INSR: variants seen among roughly 807,000 people sequenced by gnomAD.
The protein encoded by INSR is insulin receptor.
INSR carries 67 observed loss-of-function variants against 142.6 expected under a neutral mutation model. The observed-to-expected ratio is 0.47, with a 90% CI of 0.39 to 0.58. The LOEUF (loss-of-function observed/expected upper bound fraction) is 0.58, where lower values mean the gene tolerates loss of function less well. Among genes scored for constraint, INSR ranks in the 20% least tolerant of loss-of-function variants. The probability of loss-of-function intolerance (pLI) is 0.00; values close to 1 mark genes in which losing one functional copy is unlikely to be tolerated. For synonymous variants in INSR, 756 were observed against 743.1 expected (o/e 1.02, Z -0.28); for missense variants, 1,248 against 1,833.2 (o/e 0.68, Z 5.83).
intron 2 of INSR, among the ~76,000 whole-genome samples, chr19:7,235,661 G>A (rs1232809635): frequency 2.0e-5 from 3 of 152,036 alleles, no homozygotes; most frequent in East Asian, 3.9e-4. Flanking sequence ...ACCAGCCTGG[G>A]CAAGGTAGTG....
Position 7,184,592 on chromosome 19 carries a change from A to C in INSR, c.698T>G (p.Leu233Arg), listed in dbSNP as rs387906539. ...CKSHGCTAEGLCCHSECLGNC... is the reference protein window; with the variant it reads ...CKSHGCTAEGRCCHSECLGNC... Reference sequence around the variant, plus strand: ...GCCCAGGCACTCGCTGTGGCAACAGAGGCCTTCGGCGGTGCAGCCGTGTGA... The same window carrying C: ...GCCCAGGCACTCGCTGTGGCAACAGCGGCCTTCGGCGGTGCAGCCGTGTGA... The change falls in exon 3 of 22, where the codon CTC becomes CGC. Residue 233 changes from leucine to arginine, a missense_variant. Leu to Arg is a moderately radical substitution (Grantham distance 102). Transcript: ENST00000302850. 1 of 1,613,362 alleles carries C rather than the reference A, an allele frequency of 6.2e-7. No individual in the cohort carries two copies. Among genetic ancestry groups the C allele is most frequent in the Non-Finnish European group, 8.5e-7 (1 of 1,180,006 alleles).
At chr19:7,242,412 C>T (rs1600082129) in intron 2 of INSR, among the ~76,000 whole-genome samples, 1 of 152,132 alleles carries the variant, frequency 6.6e-6, no homozygotes, top group Non-Finnish European at 1.5e-5. Flanking sequence ...TTATGTGTGA[C>T]TTTTACTATA....
intron 1 of INSR, among the ~76,000 whole-genome samples, chr19:7,280,268 C>CA (rs1028609392): frequency 2.0e-5 from 3 of 149,260 alleles, no homozygotes; most frequent in Admixed American, 1.3e-4. Context: ...CGTCTCATAA[C>CA]AAAAAACAAA....
At chr19:7,126,449 T>C (rs1019241917) in intron 16 of INSR, 135 bp downstream of exon 16, 1 of 797,254 alleles carries the variant, frequency 1.3e-6, no homozygotes, top group Non-Finnish European at 2.1e-6. Context: ...AAGGGCAGTT[T>C]GGCAAGCTCA....
intron 14 of INSR, among the ~76,000 whole-genome samples, chr19:7,130,335 C>T (rs1972744966): frequency 6.6e-6 from 1 of 152,188 alleles, no homozygotes; most frequent in African/African-American, 2.4e-5. Flanking sequence ...TGTTCTCACC[C>T]ATAAGTGAGA....
At chr19:7,123,695 G>A (rs552833335) in intron 17 of INSR, among the ~76,000 whole-genome samples, 13 of 152,114 alleles carry the variant, frequency 8.5e-5, no homozygotes, top group South Asian at 8.3e-4. Context: ...GGCTGAGGCC[G>A]GTGGATCACC....
intron 13 of INSR, among the ~76,000 whole-genome samples, chr19:7,134,227 C>T (rs1972853557): frequency 6.6e-6 from 1 of 152,158 alleles, no homozygotes; most frequent in Non-Finnish European, 1.5e-5. Flanking sequence ...AGAGAACTGT[C>T]TGGCTCTAGA....
At chr19:7,268,461 T>TG (rs1344431869) in intron 1 of INSR, 1 of 985,218 alleles carries the variant, frequency 1.0e-6, no homozygotes, top group African/African-American at 1.7e-5. Flanking sequence ...ATTGCCCAAA[T>TG]GCCCTGAGTT....
chr19:7,215,450 C>T (rs957977656), intron 2 of INSR, among the ~76,000 whole-genome samples: 5 of 151,952 alleles, frequency 3.3e-5, no homozygotes, highest in South Asian at 4.2e-4. Context: ...AGTCCTCTCT[C>T]GGTTCCACTT....
intron 1 of INSR, among the ~76,000 whole-genome samples, chr19:7,292,283 A>G (rs1968512468): frequency 7.0e-6 from 1 of 143,202 alleles, no homozygotes. Flanking sequence ...CAGAGAAGGG[A>G]GTTTCACCAT....
chr19:7,147,302 G>A (rs1025568120), intron 11 of INSR, among the ~76,000 whole-genome samples: 1 of 151,956 alleles, frequency 6.6e-6, no homozygotes, highest in Admixed American at 6.6e-5. Flanking sequence ...AGTCTCCTGA[G>A]TAGCTGGGAC....
chr19:7,266,546 C>T (rs1967738344), intron 2 of INSR, among the ~76,000 whole-genome samples: 1 of 152,082 alleles, frequency 6.6e-6, no homozygotes, highest in Non-Finnish European at 1.5e-5. Flanking sequence ...CCGCCACGCC[C>T]GGCTAATTTT....
chr19:7,163,312 G>A, intron 8 of INSR, 113 bp from the exon 9 acceptor site: 2 of 1,091,794 alleles, frequency 1.8e-6, no homozygotes, highest in Non-Finnish European at 2.8e-6. Flanking sequence ...ACCCATCCCA[G>A]CATTTTGGGC....
At chr19:7,268,273 C>T (rs988910860) in intron 1 of INSR, 1 of 204,082 alleles carries the variant, frequency 4.9e-6, no homozygotes, top group Non-Finnish European at 8.6e-6. Context: ...AGATAATTTA[C>T]GGGGATAAAG....
intron 2 of INSR, among the ~76,000 whole-genome samples, chr19:7,190,373 T>G (rs971256755): frequency 8.7e-5 from 12 of 138,636 alleles, no homozygotes; most frequent in African/African-American, 3.1e-4. Context: ...TTGGTGGTTT[T>G]TTTTTTTTTT....
chr19:7,192,294 AAAGAAAAGAAAAG>A lies in INSR; in HGVS notation c.653-7670_653-7658del, dbSNP rs763974606. The stretch of plus-strand genomic sequence containing the variant: ...AAAGAAAAGAAAAGAAAAGAAAAGA[AAAGAAAAGAAAAG>A]AAAAAAATCACAGGCAGCCCAGGCT... On this transcript the variant is annotated intron_variant, in intron 2 of 21. Coordinates refer to ENST00000302850, the MANE Select transcript of INSR (RefSeq NM_000208.4). This position sits in a 1 kb window ranked among gnomAD's most constrained non-coding sequence, Gnocchi z 4.2. 2.4e-4 allele frequency among the ~76,000 whole-genome samples: 36 copies of A among 148,040 alleles called. No individual in the cohort carries two copies. The highest frequency in any genetic ancestry group is 4.6e-4 in the Non-Finnish European group (31 of 67,088).
chr19:7,203,204 T>C (rs1975016699), intron 2 of INSR, among the ~76,000 whole-genome samples: 1 of 152,148 alleles, frequency 6.6e-6, no homozygotes, highest in Non-Finnish European at 1.5e-5. Context: ...AGTTTCTCCT[T>C]GCATTTCCAA....
intron 11 of INSR, among the ~76,000 whole-genome samples, chr19:7,145,130 T>C (rs1973159664): frequency 6.6e-6 from 1 of 152,156 alleles, no homozygotes; most frequent in Non-Finnish European, 1.5e-5. Context: ...TGTTTTTCCA[T>C]GAATTTCTTG....
intron 9 of INSR, among the ~76,000 whole-genome samples, chr19:7,158,972 G>A (rs540389877): frequency 8.6e-4 from 131 of 152,024 alleles, no homozygotes; most frequent in African/African-American, 2.8e-3. Context: ...GCGTGATCTC[G>A]GCTCACTGCA....
Sources: gnomAD v4.1 joint callset for allele counts (sites outside exome capture counted in the v4.1 genomes callset) on GRCh38, gnomAD v4.1.1 for gene constraint, Gnocchi (gnomAD v3.1) non-coding constraint, MANE v1.5 for transcripts, NCBI Gene and HGNC (gene_info 2026-07-23, HGNC 2026-07-21) for gene names.